Variants in GML observed in about 807,000 individuals in gnomAD.
The protein encoded by GML is glycosylphosphatidylinositol anchored molecule like.
A neutral mutation model predicts 8.2 loss-of-function variants in GML; 5 were observed. That is an observed-to-expected ratio of 0.61 (90% CI 0.32 to 1.28). The LOEUF (loss-of-function observed/expected upper bound fraction) is 1.28, where lower values mean the gene tolerates loss of function less well. Ranked by LOEUF, GML falls within the 50% of genes most tolerant of loss-of-function variation. GML has a pLI of 0.06. For synonymous variants in GML, 72 were observed against 69.0 expected (o/e 1.04, Z -0.22); for missense variants, 191 against 198.3 (o/e 0.96, Z 0.22).
intron 3 of GML, among the ~76,000 whole-genome samples, chr8:142,843,252 T>TCACACACACACACACA (rs1273449345): frequency 6.7e-5 from 2 of 30,052 alleles, no homozygotes; most frequent in East Asian, 2.2e-3. Flanking sequence ...AATAAAAGGT[T>TCACACACACACACACA]CATACACACA....
intron 1 of GML, among the ~76,000 whole-genome samples, chr8:142,839,723 GAA>G (rs1816397890): frequency 6.6e-6 from 1 of 152,198 alleles, no homozygotes; most frequent in Non-Finnish European, 1.5e-5. Flanking sequence ...GTCCCTGCGA[GAA>G]AATGTCTCAG....
chr8:142,845,723 A>G (rs1206790438), intron 3 of GML, among the ~76,000 whole-genome samples: 10 of 152,154 alleles, frequency 6.6e-5, no homozygotes, highest in Admixed American at 4.6e-4. Flanking sequence ...CCCTCTAGTG[A>G]AGATTATTGA....
intron 2 of GML, among the ~76,000 whole-genome samples, chr8:142,840,814 T>C (rs887718219): frequency 1.3e-5 from 2 of 152,114 alleles, no homozygotes; most frequent in African/African-American, 4.8e-5. Context: ...CCTGTGAGTA[T>C]CCAGTCTTCC....
chr8:142,844,867 G>C (rs1192270905), intron 3 of GML, among the ~76,000 whole-genome samples: 1 of 152,132 alleles, frequency 6.6e-6, no homozygotes, highest in Non-Finnish European at 1.5e-5. Context: ...AAAACTCTTC[G>C]ATGTTGTCGG....
intron 3 of GML, among the ~76,000 whole-genome samples, chr8:142,844,770 G>A (rs906218319): frequency 6.6e-6 from 1 of 152,174 alleles, no homozygotes; most frequent in Admixed American, 6.5e-5. Flanking sequence ...AAATGACTCA[G>A]TATCCTAAAG....
At chr8:142,836,396 C>G (rs902258924) in intron 1 of GML, among the ~76,000 whole-genome samples, 4 of 152,126 alleles carry the variant, frequency 2.6e-5, no homozygotes, top group Admixed American at 2.6e-4. Flanking sequence ...ATACTATAGT[C>G]CCTTATTTCT....
At chr8:142,843,939 T>G (rs1026642502) in intron 3 of GML, among the ~76,000 whole-genome samples, 13 of 152,206 alleles carry the variant, frequency 8.5e-5, no homozygotes, top group Non-Finnish European at 1.8e-4. Flanking sequence ...AGAATTTCAG[T>G]CAAAGTCTCA....
At chr8:142,842,625 G>T (rs1312482909) in intron 3 of GML, among the ~76,000 whole-genome samples, 1 of 152,206 alleles carries the variant, frequency 6.6e-6, no homozygotes. Context: ...GACACTGGTG[G>T]ACTCCAATCT....
At chr8:142,841,464 G>A (rs1816433823) in intron 3 of GML, among the ~76,000 whole-genome samples, 3 of 152,194 alleles carry the variant, frequency 2.0e-5, no homozygotes, top group Non-Finnish European at 2.9e-5. Flanking sequence ...CACATCTGCA[G>A]CGTCTCCAGG....
At chr8:142,841,314 T>C in intron 3 of GML, 89 bp downstream of exon 3, 1 of 746,324 alleles carries the variant, frequency 1.3e-6, no homozygotes, top group Non-Finnish European at 2.5e-6. Flanking sequence ...CTTTCTTCTC[T>C]GCACCCAGCT....
chr8:142,837,373 T>C (rs1816359007), intron 1 of GML, among the ~76,000 whole-genome samples: 1 of 151,892 alleles, frequency 6.6e-6, no homozygotes, highest in African/African-American at 2.4e-5. Flanking sequence ...TCATTGGCAC[T>C]AGTAGGATTT....
Position 142,846,395 on chromosome 8 carries a change from G to A in GML, c.182G>A (p.Arg61His). The change falls in exon 4 of 4, where the codon CGC (arginine) becomes CAC (histidine). Residue 61 changes from arginine (R) to histidine (H), a missense_variant and splice_region_variant. Coordinates refer to ENST00000220940, the MANE Select transcript of GML (RefSeq NM_002066.3). ...HIRRCMTISI[R>H]INSRELLVYK... is the part of the protein sequence containing the mutation. ...TTTTCATTGCTGCTTCTTTTTTTAG[G>A]CATAAATTCTCGTGAACTACTTGTT... The A allele has an allele frequency of 6.4e-7, 1 of 1,573,442 alleles. No homozygotes were observed. Among genetic ancestry groups the A allele is most frequent in the South Asian group, 1.2e-5 (1 of 86,600 alleles).
Position 142,846,386 on chromosome 8 carries a change from T to G in GML, c.182-9T>G. 6.4e-7 allele frequency: 1 copy of G among 1,561,440 alleles called. No homozygotes were observed. Among genetic ancestry groups the G allele is most frequent in the Non-Finnish European group, 8.8e-7 (1 of 1,140,552 alleles). ...AATCAATTATTTTCATTGCTGCTTC[T>G]TTTTTTAGGCATAAATTCTCGTGAA... On this transcript the variant is annotated splice_polypyrimidine_tract_variant and intron_variant, in intron 3 of 3. Transcript: ENST00000220940.
chr8:142,838,268 G>C (rs925326552), intron 1 of GML, among the ~76,000 whole-genome samples: 1 of 152,050 alleles, frequency 6.6e-6, no homozygotes, highest in African/African-American at 2.4e-5. Context: ...GTTTACATTT[G>C]CCTCCAATCA....
At position 142,846,649 on chromosome 8, in the gene GML, C is replaced by T; in HGVS notation, c.436C>T (p.Leu146=). The change falls in exon 4 of 4, where the codon CTG becomes TTG. Residue 146 remains leucine (L), a synonymous_variant. Coordinates refer to ENST00000220940, the MANE Select transcript of GML (RefSeq NM_002066.3). ...TVRLGVSKLL[L]SFASIIVSNI... ...GAGGCTGGGGGTATCAAAACTGTTG[C>T]TGAGTTTTGCCTCTATCATAGTCAG... 1 of 1,614,000 alleles carries T rather than the reference C, an allele frequency of 6.2e-7. No homozygotes were observed. The highest frequency in any genetic ancestry group is 8.5e-7 in the Non-Finnish European group (1 of 1,179,908).
At chr8:142,844,202 T>G (rs971268311) in intron 3 of GML, among the ~76,000 whole-genome samples, 1 of 152,194 alleles carries the variant, frequency 6.6e-6, no homozygotes, top group Non-Finnish European at 1.5e-5. Context: ...TCTGACAAAG[T>G]TGACCCTGCA....
At chr8:142,839,641 C>G (rs1299313057) in intron 1 of GML, among the ~76,000 whole-genome samples, 1 of 152,162 alleles carries the variant, frequency 6.6e-6, no homozygotes, top group Non-Finnish European at 1.5e-5. Flanking sequence ...TGGAGCTTCC[C>G]CCTTGAGTCG....
In GML at chr8:142,846,445, A is replaced by T. The variant is rs542278471; in HGVS notation, c.232A>T (p.Thr78Ser). The change falls in exon 4 of 4, where the codon ACA (threonine) becomes TCA (serine). Residue 78 changes from threonine (T) to serine (S), a missense_variant. Coordinates refer to ENST00000220940, the MANE Select transcript of GML (RefSeq NM_002066.3). ...LVYKNCTNNC[T>S]FVYAAEQPPE... Reference sequence around the variant, plus strand: ...TTATAAGAACTGTACAAACAACTGCACATTTGTATATGCAGCTGAACAGCC... The same window carrying T: ...TTATAAGAACTGTACAAACAACTGCTCATTTGTATATGCAGCTGAACAGCC... The T allele has an allele frequency of 1.2e-5, 19 of 1,612,388 alleles. No homozygotes were observed. In the East Asian group the frequency reaches 4.0e-4, roughly 34 times the overall value.
chr8:142,843,146 G>T (rs981873043), intron 3 of GML, among the ~76,000 whole-genome samples: 5 of 152,082 alleles, frequency 3.3e-5, no homozygotes, highest in African/African-American at 1.2e-4. Context: ...GGAAAGAAAC[G>T]CAGGCAGTGT....
Sources: allele counts gnomAD v4.1 joint callset (sites outside exome capture counted in the v4.1 genomes callset), GRCh38; gene constraint gnomAD v4.1.1; transcripts MANE v1.5; gene names NCBI Gene and HGNC (gene_info 2026-07-23, HGNC 2026-07-21).